Variants in PRKCZ observed in about 807,000 individuals in gnomAD.
PRKCZ encodes protein kinase C zeta type.
PRKCZ carries 33 observed loss-of-function variants against 79.5 expected under a neutral mutation model. That is an observed-to-expected ratio of 0.41 (90% CI 0.31 to 0.55). The LOEUF (loss-of-function observed/expected upper bound fraction) is 0.55, where lower values mean the gene tolerates loss of function less well. PRKCZ is among the 20% of genes least tolerant of loss of function. PRKCZ has a pLI of 0.19. For synonymous variants in PRKCZ, 342 were observed against 320.9 expected (o/e 1.07, Z -0.70); for missense variants, 578 against 813.5 (o/e 0.71, Z 3.52).
At chr1:2,112,904 C>T (rs1371728501) in intron 4 of PRKCZ, among the ~76,000 whole-genome samples, 1 of 152,190 alleles carries the variant, frequency 6.6e-6, no homozygotes, top group East Asian at 1.9e-4. Flanking sequence ...GTTGGCCAGG[C>T]TGGTCTCGAA....
At chr1:2,162,512 T>C (rs914176640) in intron 10 of PRKCZ, among the ~76,000 whole-genome samples, 5 of 152,252 alleles carry the variant, frequency 3.3e-5, no homozygotes, top group African/African-American at 7.2e-5. Flanking sequence ...GTGTTGGATC[T>C]TCCCATTCAG....
chr1:2,080,873 T>TGGG (rs1663364769), intron 4 of PRKCZ, among the ~76,000 whole-genome samples: 1 of 152,016 alleles, frequency 6.6e-6, no homozygotes, highest in African/African-American at 2.4e-5. Context: ...GCTGGTCAGG[T>TGGG]GTTTTGTGGG....
chr1:2,172,054 G>C lies in PRKCZ; in HGVS notation c.1062-1G>C. 1 of 1,599,254 alleles carries C rather than the reference G, an allele frequency of 6.3e-7. No individual in the cohort carries two copies. Among genetic ancestry groups the C allele is most frequent in the Non-Finnish European group, 8.5e-7 (1 of 1,172,492 alleles). The stretch of plus-strand genomic sequence containing the variant: ...CCCCATGACGGCATCCCCACCCCCA[G>C]GTTCTACGCGGCCGAGATCTGCATC... On this transcript the variant is annotated splice_acceptor_variant, in intron 11 of 17. Transcript: ENST00000378567. LOFTEE classifies it high-confidence loss of function. The surrounding 1 kb of genome is among the most constrained non-coding windows in gnomAD (Gnocchi z 7.8).
At chr1:2,158,141 C>T (rs1681476994) in intron 10 of PRKCZ, among the ~76,000 whole-genome samples, 1 of 152,192 alleles carries the variant, frequency 6.6e-6, no homozygotes, top group South Asian at 2.1e-4. Context: ...GCGGTGCCGT[C>T]CTGGTCAAGG....
intron 4 of PRKCZ, among the ~76,000 whole-genome samples, chr1:2,099,069 G>A (rs568239496): frequency 2.0e-5 from 3 of 151,984 alleles, no homozygotes; most frequent in South Asian, 2.1e-4. Flanking sequence ...TGTGACTTCC[G>A]TTGTTGTCTG....
chr1:2,181,666 G>A lies in PRKCZ; in HGVS notation c.1576-2917G>A, dbSNP rs1236035367. 3.5e-5 allele frequency: 12 copies of A among 346,360 alleles called. 1 individual carries two copies. Among genetic ancestry groups the A allele is most frequent in the South Asian group, 8.5e-5 (4 of 46,886 alleles). 21.5% of individuals were successfully genotyped at this position (346,360 alleles called of 1,614,324 possible). A position where few individuals can be genotyped will look rare whatever the true frequency, so the allele number is the denominator to read the frequency against. ...GAAACTGAGGCAATCTTGAGCCCTC[G>A]GAGCAGAGAACGGGCTGGGCCAGGG... On this transcript the variant is annotated intron_variant, in intron 16 of 17. Coordinates refer to ENST00000378567, the MANE Select transcript of PRKCZ (RefSeq NM_002744.6).
chr1:2,055,797 G>T lies in PRKCZ; in HGVS notation c.193+235G>T, dbSNP rs1451887814. On this transcript the variant is annotated intron_variant, in intron 2 of 17. Transcript: ENST00000378567. ...GAAGGGCTCTGGTCTTGAACTGCCT[G>T]CAGGGGGTCTCCCTGCCCCACCCTG... The T allele has an allele frequency of 7.8e-6, 4 of 513,394 alleles. No homozygotes were observed. The East Asian group carries it at 1.4e-4, about 18-fold the overall frequency. 31.8% of individuals were successfully genotyped at this position (513,394 alleles called of 1,614,324 possible). A position where few individuals can be genotyped will look rare whatever the true frequency, so the allele number is the denominator to read the frequency against.
chr1:2,144,044 C>T (rs534597830), intron 5 of PRKCZ, 166 bp from the exon 6 acceptor site: 2 of 992,802 alleles, frequency 2.0e-6, no homozygotes, highest in South Asian at 3.5e-5. Flanking sequence ...AGAGGAGGCT[C>T]TCAAGCTTGG....
intron 4 of PRKCZ, among the ~76,000 whole-genome samples, chr1:2,077,009 G>C (rs552693753): frequency 1.3e-5 from 2 of 152,300 alleles, no homozygotes; most frequent in African/African-American, 2.4e-5. Flanking sequence ...CCGTTGTGGG[G>C]CAGCCTTGGT....
chr1:2,104,762 G>C (rs182855348), intron 4 of PRKCZ: 1 of 985,732 alleles, frequency 1.0e-6, no homozygotes. Context: ...GGGCTGGCCT[G>C]CGGGGCTCAC....
At chr1:2,138,824 C>T (rs1164658356) in intron 5 of PRKCZ, among the ~76,000 whole-genome samples, 2 of 152,112 alleles carry the variant, frequency 1.3e-5, no homozygotes, top group Non-Finnish European at 2.9e-5. Context: ...ATCCCAGCTA[C>T]TCAGGAGTCT....
intron 4 of PRKCZ, among the ~76,000 whole-genome samples, chr1:2,108,113 G>A (rs115050961): frequency 0.012 from 1,882 of 152,342 alleles, 26 homozygotes; most frequent in African/African-American, 0.034. Flanking sequence ...CCCAGGGCCC[G>A]CACTCTCAAT....
At chr1:2,148,293 CTCCATCTATCCA>C (rs1679114610) in intron 7 of PRKCZ, among the ~76,000 whole-genome samples, 1 of 151,934 alleles carries the variant, frequency 6.6e-6, no homozygotes, top group South Asian at 2.1e-4. Flanking sequence ...CCACTGACCT[CTCCATCTATCCA>C]TCCATCTATT....
At chr1:2,097,342 C>T (rs1227093193) in intron 4 of PRKCZ, among the ~76,000 whole-genome samples, 2 of 152,126 alleles carry the variant, frequency 1.3e-5, no homozygotes, top group African/African-American at 4.8e-5. Flanking sequence ...TTTCTGGGCC[C>T]CTCTCAGGGT....
intron 17 of PRKCZ, 54 bp from the exon 18 acceptor site, chr1:2,184,868 C>A: frequency 6.6e-7 from 1 of 1,513,330 alleles, no homozygotes; most frequent in South Asian, 1.1e-5. Context: ...TCCGCTTCCC[C>A]CAAGGGAATG....
At chr1:2,135,449 T>TCAG in intron 5 of PRKCZ, 102 bp downstream of exon 5, 1 of 1,120,104 alleles carries the variant, frequency 8.9e-7, no homozygotes, top group Non-Finnish European at 1.3e-6. Flanking sequence ...CAGGCTGGGC[T>TCAG]CTTTTTGGCG....
intron 4 of PRKCZ, among the ~76,000 whole-genome samples, chr1:2,072,427 C>A (rs559430674): frequency 8.5e-5 from 13 of 152,286 alleles, no homozygotes; most frequent in African/African-American, 3.1e-4. Context: ...TCTTGCCTCG[C>A]GGGGCCATGC....
chr1:2,169,300 C>T lies in PRKCZ; in HGVS notation c.975-218C>T, dbSNP rs375794163. ...CAAGAGTGAAGGCCGGCGAGGCCCC[C>T]GCATGACTCCCTCACCTGCACCCTT... On this transcript the variant is annotated intron_variant, in intron 10 of 17. Transcript: ENST00000378567. The T allele has an allele frequency of 1.5e-3, 885 of 595,738 alleles. 11 individuals are homozygous for T. Among genetic ancestry groups the T allele is most frequent in the African/African-American group, 0.012 (636 of 54,466 alleles). The allele number at this position is 595,738 out of a possible 1,614,324, so 36.9% of individuals were successfully genotyped here. A position where few individuals can be genotyped will look rare whatever the true frequency, so the allele number is the denominator to read the frequency against.
chr1:2,150,777 T>C lies in PRKCZ; in HGVS notation c.688-13T>C, dbSNP rs769028768. On this transcript the variant is annotated splice_polypyrimidine_tract_variant and intron_variant, in intron 8 of 17. Coordinates refer to ENST00000378567, the MANE Select transcript of PRKCZ (RefSeq NM_002744.6). The stretch of plus-strand genomic sequence containing the variant: ...CCCCTCTCACTTTCTGGGGTCTTGT[T>C]CTCCCTCCCTAGGACCTTAAGCCAG... 1.9e-6 allele frequency: 3 copies of C among 1,608,244 alleles called. No homozygotes were observed. In the South Asian group the frequency reaches 3.3e-5, roughly 18 times the overall value.
Sources: allele counts gnomAD v4.1 joint callset (sites outside exome capture counted in the v4.1 genomes callset), GRCh38; gene constraint gnomAD v4.1.1; non-coding constraint Gnocchi (gnomAD v3.1); transcripts MANE v1.5; gene names NCBI Gene and HGNC (gene_info 2026-07-23, HGNC 2026-07-21).